The following CAGE1 variants were observed in gnomAD, a reference collection of about 807,000 sequenced individuals.
CAGE1 encodes cancer-associated gene 1 protein.
Under a neutral mutation model 94.9 loss-of-function variants are expected in CAGE1, and 66 were observed. The ratio of observed to expected loss-of-function variants is 0.70; its 90% CI spans 0.57 to 0.85. CAGE1 has a LOEUF of 0.85. Among genes scored for constraint, CAGE1 ranks in the 40% least tolerant of loss-of-function variants. CAGE1 has a pLI of 0.00. For synonymous variants in CAGE1, 319 were observed against 321.0 expected (o/e 0.99, Z 0.07); for missense variants, 865 against 950.4 (o/e 0.91, Z 1.18).
chr6:7,336,540 T>C (rs905110881), intron 11 of CAGE1, among the ~76,000 whole-genome samples: 1 of 152,174 alleles, frequency 6.6e-6, no homozygotes, highest in Non-Finnish European at 1.5e-5. Context: ...GACAGAGTCT[T>C]GATCTGTCGC....
intron 11 of CAGE1, chr6:7,340,880 A>G: frequency 2.3e-6 from 1 of 427,456 alleles, no homozygotes; most frequent in Non-Finnish European, 4.6e-6. Flanking sequence ...GAACTGATGT[A>G]TGGCCAATTT....
At chr6:7,376,954 T>C (rs1018633491) in intron 4 of CAGE1, among the ~76,000 whole-genome samples, 2 of 152,208 alleles carry the variant, frequency 1.3e-5, no homozygotes, top group Admixed American at 1.3e-4. Context: ...GCAGCACTTA[T>C]CATAGTTGCA....
Position 7,378,760 on chromosome 6 carries a change from AC to A in CAGE1, c.543del (p.Glu181AspfsTer13). 3.1e-6 allele frequency: 5 copies of A among 1,613,878 alleles called. No individual in the cohort carries two copies. The highest frequency in any genetic ancestry group is 4.2e-6 in the Non-Finnish European group (5 of 1,179,860). ...CTTCTAGGAGGAGGCTGTCTAAAAT[AC>A]TCGTTACCAAGTTGGTCTGTATTTG... ...VSANTDQLGN[E>X]YFRQPPPRSP... On this transcript the variant is annotated frameshift_variant, in exon 4 of 14. Coordinates refer to ENST00000502583, the MANE Select transcript of CAGE1 (RefSeq NM_001170692.2). LOFTEE classifies it high-confidence loss of function.
chr6:7,345,285 CTG>C (rs1219422401), intron 11 of CAGE1, among the ~76,000 whole-genome samples: 11 of 152,184 alleles, frequency 7.2e-5, no homozygotes, highest in African/African-American at 2.4e-4. Context: ...GCAGCACTGA[CTG>C]TTAAAGGTTT....
At chr6:7,358,033 T>G (rs1255255118) in intron 9 of CAGE1, among the ~76,000 whole-genome samples, 47 of 26,790 alleles carry the variant, frequency 1.8e-3, no homozygotes, top group South Asian at 0.015. Context: ...TTGAGATATA[T>G]ATATATATAT....
Position 7,329,854 on chromosome 6 carries a change from T to A in CAGE1, c.2473A>T (p.Thr825Ser). The A allele has an allele frequency of 6.9e-7, 1 of 1,448,376 alleles. No individual in the cohort carries two copies. Among genetic ancestry groups the A allele is most frequent in the Non-Finnish European group, 9.6e-7 (1 of 1,042,100 alleles). 89.7% of individuals were successfully genotyped at this position (1,448,376 alleles called of 1,614,324 possible). A position where few individuals can be genotyped will look rare whatever the true frequency, so the allele number is the denominator to read the frequency against. Reference sequence around the variant, plus strand: ...TGATCATCAAGGTGACCTACCATGGTCATGGACTTCGGATGATTTTCTAAG... The same window carrying A: ...TGATCATCAAGGTGACCTACCATGGACATGGACTTCGGATGATTTTCTAAG... ...KSLENHPKSM[T>S]MMPALFKENR... Residue 825 changes from threonine (T) to serine (S), a missense_variant, in exon 13 of 14, where the codon ACC becomes TCC. Thr to Ser is a moderately conservative substitution (Grantham distance 58, BLOSUM62 1). Transcript: ENST00000502583.
intron 11 of CAGE1, among the ~76,000 whole-genome samples, chr6:7,340,267 G>GT (rs906598604): frequency 1.7e-4 from 26 of 152,102 alleles, no homozygotes; most frequent in African/African-American, 5.5e-4. Context: ...TGATGGGATT[G>GT]TTTTTTTCTT....
rs548770099 is a variant in CAGE1 at position 7,344,505 on chromosome 6, T to A, written c.2370-10415A>T. 3.5e-4 allele frequency among the ~76,000 whole-genome samples: 54 copies of A among 152,338 alleles called. No homozygotes were observed. In the South Asian group the frequency reaches 0.011, roughly 31 times the overall value. ...CGCCATGCCTGAGCCTCGCAACCCC[T>A]CCATGAGCTCCTGTGCGGCCCAGCC... On this transcript the variant is annotated intron_variant, in intron 11 of 13. Coordinates refer to ENST00000502583, the MANE Select transcript of CAGE1 (RefSeq NM_001170692.2).
At position 7,334,047 on chromosome 6, in the gene CAGE1, G is replaced by A; in HGVS notation, c.2413C>T (p.Pro805Ser). 6.5e-7 allele frequency: 1 copy of A among 1,535,052 alleles called. No individual in the cohort carries two copies. The highest frequency in any genetic ancestry group is 8.8e-7 in the Non-Finnish European group (1 of 1,133,540). Reference protein sequence around the residue: ...NKHLEDLIRKPREKARKPRSK... With the variant: ...NKHLEDLIRKSREKARKPRSK... ...CTTGGTTTTCTGGCTTTTTCTCTGG[G>A]CTTTCTAATTAAATCCTCTAAATGT... Residue 805 changes from proline (P) to serine (S), a missense_variant, in exon 12 of 14, where the codon CCC becomes TCC. Coordinates refer to ENST00000502583, the MANE Select transcript of CAGE1 (RefSeq NM_001170692.2).
chr6:7,344,563 G>A (rs914858615), intron 11 of CAGE1, among the ~76,000 whole-genome samples: 1 of 152,218 alleles, frequency 6.6e-6, no homozygotes, highest in African/African-American at 2.4e-5. Context: ...GCTCTACAGC[G>A]CCCAGTCCCA....
chr6:7,345,346 A>G (rs1487274321), intron 11 of CAGE1, among the ~76,000 whole-genome samples: 2 of 143,958 alleles, frequency 1.4e-5, no homozygotes, highest in East Asian at 3.9e-4. Flanking sequence ...GCAGGATGAA[A>G]GAAACTCTGA....
intron 11 of CAGE1, among the ~76,000 whole-genome samples, chr6:7,343,202 AGAAAAG>A (rs1759257855): frequency 1.1e-5 from 1 of 93,394 alleles, no homozygotes; most frequent in African/African-American, 3.8e-5. Context: ...AAAAAAAAAA[AGAAAAG>A]AAAAGAAAAG....
intron 11 of CAGE1, chr6:7,340,967 TAAC>T: frequency 2.3e-6 from 1 of 437,922 alleles, no homozygotes; most frequent in South Asian, 1.9e-5. Flanking sequence ...TGCCACAGGA[TAAC>T]AACAGCTTGT....
intron 9 of CAGE1, among the ~76,000 whole-genome samples, chr6:7,358,942 G>A (rs1427666325): frequency 6.6e-6 from 1 of 152,238 alleles, no homozygotes; most frequent in Non-Finnish European, 1.5e-5. Context: ...AGCAGCGAAT[G>A]AGAGTTGCAT....
At chr6:7,378,352 AT>A (rs1169410368) in intron 4 of CAGE1, among the ~76,000 whole-genome samples, 1 of 152,164 alleles carries the variant, frequency 6.6e-6, no homozygotes, top group Non-Finnish European at 1.5e-5. Flanking sequence ...AGAAAAATTT[AT>A]TTCTGAATTG....
At chr6:7,334,162 G>A (rs923390820) in intron 11 of CAGE1, 72 bp from the exon 12 acceptor site, 17 of 909,722 alleles carry the variant, frequency 1.9e-5, no homozygotes, top group Middle Eastern at 4.4e-4. Context: ...TAGATTCACT[G>A]GAGGATTTTA....
chr6:7,389,118 G>T, intron 1 of CAGE1, 84 bp downstream of exon 1: 1 of 363,788 alleles, frequency 2.7e-6, no homozygotes, highest in Non-Finnish European at 5.5e-6. Flanking sequence ...TTTTAAGATA[G>T]GAGTTAAAAG....
intron 4 of CAGE1, among the ~76,000 whole-genome samples, chr6:7,375,365 C>T (rs1389292226): frequency 3.3e-5 from 5 of 151,934 alleles, no homozygotes; most frequent in East Asian, 1.9e-4. Context: ...GCCGAGATCA[C>T]GCCACTGCAC....
chr6:7,386,980 TG>T lies in CAGE1; in HGVS notation c.193del (p.Gln65ArgfsTer4). 1.3e-6 allele frequency: 2 copies of T among 1,548,006 alleles called. No individual in the cohort carries two copies. Among genetic ancestry groups the T allele is most frequent in the Non-Finnish European group, 1.7e-6 (2 of 1,143,402 alleles). On this transcript the variant is annotated frameshift_variant and splice_region_variant, in exon 2 of 14. Coordinates refer to ENST00000502583, the MANE Select transcript of CAGE1 (RefSeq NM_001170692.2). LOFTEE classifies it high-confidence loss of function. ...CTGGAACTTATAAGCAATGCACACC[TG>T]AGGCAAGTCACAAGTGGTGCCGGTG... ...ETTGTTCDLP[Q>X]NEIKNFEREN... is the part of the protein sequence containing the mutation.
Sources: allele counts gnomAD v4.1 joint callset (sites outside exome capture counted in the v4.1 genomes callset), GRCh38; gene constraint gnomAD v4.1.1; transcripts MANE v1.5; gene names NCBI Gene and HGNC (gene_info 2026-07-23, HGNC 2026-07-21).